ZNRF3: variants seen among roughly 807,000 people sequenced by gnomAD.
The protein encoded by ZNRF3 is zinc and ring finger 3.
A neutral mutation model predicts 72.5 loss-of-function variants in ZNRF3; 23 were observed. That is an observed-to-expected ratio of 0.32 (90% CI 0.23 to 0.45). ZNRF3 has a LOEUF of 0.45. Ranked by LOEUF, ZNRF3 falls within the 20% of genes least tolerant of loss-of-function variation. The pLI, the probability that ZNRF3 is intolerant of heterozygous loss-of-function variation, is 1.00. For synonymous variants in ZNRF3, 610 were observed against 545.3 expected (o/e 1.12, Z -1.65); for missense variants, 1,169 against 1,272.1 (o/e 0.92, Z 1.23).
Position 29,046,845 on chromosome 22 carries a change from G to T in ZNRF3, c.874G>T (p.Asp292Tyr). The change falls in exon 6 of 9, where the codon GAC becomes TAC. Residue 292 changes from aspartate to tyrosine, a missense_variant. Around this residue, in one of 2 missense-constraint regions of ZNRF3, gnomAD observed 386 missense variants for 540.7 expected, o/e 0.71. Coordinates refer to ENST00000544604, the MANE Select transcript of ZNRF3 (RefSeq NM_001206998.2). The part of the protein sequence containing the change: ...LDTLSSSSTS[D>Y]CAICLEKYID... ...CACACTCAGCAGCAGCTCCACGTCC[G>T]ACTGTGCCATCTGTCTGGAGAAGTA... The T allele has an allele frequency of 1.2e-6, 2 of 1,606,908 alleles. No homozygotes were observed. The highest frequency in any genetic ancestry group is 1.7e-6 in the Non-Finnish European group (2 of 1,176,342).
At chr22:28,891,937 C>T (rs1202823940) in intron 1 of ZNRF3, among the ~76,000 whole-genome samples, 4 of 152,118 alleles carry the variant, frequency 2.6e-5, no homozygotes, top group Non-Finnish European at 4.4e-5. Flanking sequence ...AACTGTCACT[C>T]GATGGCACTT....
chr22:28,997,691 C>T (rs2036068040), intron 2 of ZNRF3, among the ~76,000 whole-genome samples: 1 of 151,998 alleles, frequency 6.6e-6, no homozygotes. Flanking sequence ...CATACCGCCT[C>T]TGTAAAGTGA....
intron 1 of ZNRF3, among the ~76,000 whole-genome samples, chr22:28,930,684 A>G (rs1289986500): frequency 2.0e-5 from 3 of 152,238 alleles, no homozygotes; most frequent in Admixed American, 1.3e-4. Context: ...GCGCACTGGT[A>G]TGTTATTAAT....
At chr22:29,039,271 A>G (rs1347221055) in intron 2 of ZNRF3, among the ~76,000 whole-genome samples, 1 of 152,158 alleles carries the variant, frequency 6.6e-6, no homozygotes, top group Non-Finnish European at 1.5e-5. Context: ...GGCTTCCCTG[A>G]GGCATGTCTC....
At chr22:28,966,823 T>C (rs1250387909) in intron 1 of ZNRF3, among the ~76,000 whole-genome samples, 1 of 151,138 alleles carries the variant, frequency 6.6e-6, no homozygotes, top group Admixed American at 6.6e-5. Context: ...GTATTTTTTA[T>C]AAATTTAGTG....
At position 29,050,804 on chromosome 22, in the gene ZNRF3, G is replaced by C; in HGVS notation, c.2623G>C (p.Glu875Gln). The C allele has an allele frequency of 3.1e-6, 5 of 1,608,170 alleles. No individual in the cohort carries two copies. Among genetic ancestry groups the C allele is most frequent in the Non-Finnish European group, 4.2e-6 (5 of 1,177,950 alleles). Residue 875 changes from glutamate (E) to glutamine (Q), a missense_variant, in exon 8 of 9, where the codon GAA becomes CAA. Physicochemically the swap from Glu to Gln is conservative, Grantham distance 29. Around this residue, in one of 2 missense-constraint regions of ZNRF3, gnomAD observed 783 missense variants for 731.4 expected, o/e 1.07. Transcript: ENST00000544604. ...RPHRGLGATR[E>Q]EERALCCQAR... ...CCACAGGGGCCTGGGAGCAACCCGG[G>C]AAGAGGAGCGGGCTCTGTGCTGCCA...
intron 1 of ZNRF3, among the ~76,000 whole-genome samples, chr22:28,889,788 G>A (rs964756372): frequency 6.6e-6 from 1 of 152,208 alleles, no homozygotes; most frequent in African/African-American, 2.4e-5. Context: ...CACTCTGAAT[G>A]CAGGATGTGG....
chr22:28,971,935 T>G (rs2035582675), intron 1 of ZNRF3, among the ~76,000 whole-genome samples: 1 of 152,146 alleles, frequency 6.6e-6, no homozygotes, highest in Admixed American at 6.6e-5. Context: ...CTCAAACTCC[T>G]GGCTTCAAGT....
intron 2 of ZNRF3, among the ~76,000 whole-genome samples, chr22:29,027,439 G>A (rs899096132): frequency 6.6e-6 from 1 of 152,012 alleles, no homozygotes; most frequent in African/African-American, 2.4e-5. Context: ...AGTAGAGACG[G>A]GGTTTCACCA....
chr22:28,938,825 C>T (rs2034888557), intron 1 of ZNRF3, among the ~76,000 whole-genome samples: 1 of 152,072 alleles, frequency 6.6e-6, no homozygotes, highest in Non-Finnish European at 1.5e-5. Flanking sequence ...TTTCGGATAC[C>T]TTAAAAAATC....
intron 2 of ZNRF3, among the ~76,000 whole-genome samples, chr22:29,036,313 T>G (rs1191331171): frequency 6.6e-6 from 1 of 152,200 alleles, no homozygotes; most frequent in Non-Finnish European, 1.5e-5. Flanking sequence ...AGGTATCTTA[T>G]CTGTCCTTTG....
intron 1 of ZNRF3, among the ~76,000 whole-genome samples, chr22:28,892,162 G>A (rs886559109): frequency 2.0e-5 from 3 of 152,184 alleles, no homozygotes; most frequent in African/African-American, 4.8e-5. Context: ...AACTTACCAC[G>A]AGTGCTACAT....
At chr22:28,965,827 ATACATT>A (rs1312403977) in intron 1 of ZNRF3, among the ~76,000 whole-genome samples, 1 of 152,240 alleles carries the variant, frequency 6.6e-6, no homozygotes, top group African/African-American at 2.4e-5. Flanking sequence ...AGTGTTGGTA[ATACATT>A]TAGCCAAATG....
At chr22:28,894,674 A>G (rs1001430468) in intron 1 of ZNRF3, among the ~76,000 whole-genome samples, 13 of 152,198 alleles carry the variant, frequency 8.5e-5, no homozygotes, top group African/African-American at 2.9e-4. Context: ...GGATTCAGAA[A>G]GGCCGAATGA....
Position 29,034,189 on chromosome 22 carries a change from C to CA in ZNRF3, c.427-8305dup, listed in dbSNP as rs2036820181. 3.3e-5 allele frequency among the ~76,000 whole-genome samples: 5 copies of CA among 152,336 alleles called. No individual in the cohort carries two copies. In the South Asian group the frequency reaches 1.0e-3, roughly 32 times the overall value. ...CAGGACAGCAGCAAGTGTGTTATGA[C>CA]AGACAATTCCAGAAGGTCCTGGATT... On this transcript the variant is annotated intron_variant, in intron 2 of 8. Coordinates refer to ENST00000544604, the MANE Select transcript of ZNRF3 (RefSeq NM_001206998.2).
intron 2 of ZNRF3, among the ~76,000 whole-genome samples, chr22:29,014,146 C>T (rs1382830993): frequency 6.6e-6 from 1 of 152,186 alleles, no homozygotes; most frequent in Non-Finnish European, 1.5e-5. Context: ...GTCACACAGC[C>T]ATTCCGAGTA....
intron 1 of ZNRF3, among the ~76,000 whole-genome samples, chr22:28,897,573 A>C (rs564513817): frequency 6.6e-6 from 1 of 152,332 alleles, no homozygotes; most frequent in South Asian, 2.1e-4. Context: ...CACCTGCCTC[A>C]ACTCCCAAAG....
In ZNRF3 at chr22:28,986,824, T is replaced by G. The variant is rs1049295436; in HGVS notation, c.301-252T>G. 2.0e-5 allele frequency among the ~76,000 whole-genome samples: 3 copies of G among 152,184 alleles called. No homozygotes were observed. In the South Asian group the frequency reaches 6.2e-4, roughly 32 times the overall value. ...TAGATCCTATTGGGCAGTTTCCACC[T>G]TGGATCACCATCACTTACAAGGCAG... On this transcript the variant is annotated intron_variant, in intron 1 of 8. Coordinates refer to ENST00000544604, the MANE Select transcript of ZNRF3 (RefSeq NM_001206998.2).
chr22:28,973,704 A>G (rs2035616434), intron 1 of ZNRF3, among the ~76,000 whole-genome samples: 1 of 152,144 alleles, frequency 6.6e-6, no homozygotes, highest in Non-Finnish European at 1.5e-5. Flanking sequence ...TTACTTGGCA[A>G]ATGTTGAATT....
Sources: allele counts gnomAD v4.1 joint callset (sites outside exome capture counted in the v4.1 genomes callset), GRCh38; gene constraint gnomAD v4.1.1; regional missense constraint gnomAD v4.1.1; transcripts MANE v1.5; gene names NCBI Gene and HGNC (gene_info 2026-07-23, HGNC 2026-07-21).